Variants in DLG1 observed in about 807,000 individuals in gnomAD.
DLG1 encodes discs large MAGUK scaffold protein 1.
DLG1 carries 42 observed loss-of-function variants against 123.4 expected under a neutral mutation model. The ratio of observed to expected loss-of-function variants is 0.34; its 90% confidence interval spans 0.27 to 0.44. The LOEUF (loss-of-function observed/expected upper bound fraction) is 0.44. DLG1 is among the 20% of genes least tolerant of loss of function. DLG1 has a pLI of 1.00. For synonymous variants in DLG1, 317 were observed against 356.2 expected (o/e 0.89, Z 1.24); for missense variants, 942 against 1,082.6 (o/e 0.87, Z 1.82).
Position 197,111,010 on chromosome 3 carries a change from A to C in DLG1, c.1443+4917T>G, listed in dbSNP as rs192704493. ...GTTCCAAGGATACACGGAGGTTTTC[A>C]AAGGCCTTATGGAGAATTCACTCCT... On this transcript the variant is annotated intron_variant, in intron 13 of 24. Transcript: ENST00000667157. 2.6e-5 allele frequency among the ~76,000 whole-genome samples: 4 copies of C among 152,262 alleles called. No individual in the cohort carries two copies. The East Asian group carries it at 7.7e-4, about 29-fold the overall frequency.
At chr3:197,108,261 T>C (rs560661485) in intron 13 of DLG1, among the ~76,000 whole-genome samples, 1 of 152,334 alleles carries the variant, frequency 6.6e-6, no homozygotes, top group Admixed American at 6.5e-5. Flanking sequence ...TTGTAATTTT[T>C]TCTTCTTGTG....
At chr3:197,182,314 A>G (rs908861110) in intron 5 of DLG1, among the ~76,000 whole-genome samples, 28 of 152,190 alleles carry the variant, frequency 1.8e-4, no homozygotes, top group African/African-American at 6.8e-4. Context: ...TAAGAGTTAA[A>G]TCAATCGTTG....
intron 24 of DLG1, among the ~76,000 whole-genome samples, chr3:197,046,309 A>G (rs1723009201): frequency 6.6e-6 from 1 of 152,232 alleles, no homozygotes. Flanking sequence ...GACTTGGGAA[A>G]TATACATTTT....
At chr3:197,067,376 G>A (rs944437061) in intron 19 of DLG1, among the ~76,000 whole-genome samples, 14 of 151,978 alleles carry the variant, frequency 9.2e-5, no homozygotes, top group African/African-American at 3.4e-4. Context: ...AAACAACAGT[G>A]ATAGTAAAGG....
intron 23 of DLG1, among the ~76,000 whole-genome samples, chr3:197,054,201 T>G (rs926208814): frequency 6.6e-6 from 1 of 152,234 alleles, no homozygotes; most frequent in East Asian, 1.9e-4. Flanking sequence ...ACACTTTGAT[T>G]ATAATGTGCC....
In DLG1 at chr3:197,138,236, A is replaced by C; in HGVS notation, c.869T>G (p.Ile290Ser). The change falls in exon 9 of 25, where the codon ATT becomes AGT. Residue 290 changes from isoleucine (I) to serine (S), a missense_variant. Transcript: ENST00000667157. ...TTACCACATACCTTTAGGACCTTTA[A>C]TGAGCTTTATTTCCATTATTTTTTC... Reference protein sequence around the residue: ...VSEKIMEIKLIKGPKGLGFSI... With the variant: ...VSEKIMEIKLSKGPKGLGFSI... 1 of 1,584,940 alleles carries C rather than the reference A, an allele frequency of 6.3e-7. No homozygotes were observed. Among genetic ancestry groups the C allele is most frequent in the Non-Finnish European group, 8.6e-7 (1 of 1,161,538 alleles).
chr3:197,048,956 C>T (rs562227109), intron 24 of DLG1, among the ~76,000 whole-genome samples: 2 of 152,278 alleles, frequency 1.3e-5, no homozygotes, highest in South Asian at 2.1e-4. Context: ...TGTGCCCAGC[C>T]ACCTCAAAAA....
At chr3:197,267,112 T>G (rs1344430416) in intron 4 of DLG1, among the ~76,000 whole-genome samples, 2 of 152,240 alleles carry the variant, frequency 1.3e-5, no homozygotes, top group African/African-American at 4.8e-5. Flanking sequence ...AGACTTCAGC[T>G]ATACTTACAC....
rs534654830 is a variant in DLG1 at position 197,222,712 on chromosome 3, T to C, written c.319-28123A>G. Among the ~76,000 whole-genome samples the C allele has an allele frequency of 3.9e-5, 6 of 152,294 alleles. No homozygotes were observed. The East Asian group carries it at 1.2e-3, about 29-fold the overall frequency. On this transcript the variant is annotated intron_variant, in intron 4 of 24. Coordinates refer to ENST00000667157, the MANE Select transcript of DLG1 (RefSeq NM_001366207.1). ...TAGAATCGCCAAGGCTTTAACACCT[T>C]ACACTATTTCCCTGCAGAGAGAAGA...
At chr3:197,244,905 G>A (rs1249567584) in intron 4 of DLG1, among the ~76,000 whole-genome samples, 1 of 152,162 alleles carries the variant, frequency 6.6e-6, no homozygotes, top group Non-Finnish European at 1.5e-5. Flanking sequence ...GAGAGACCAA[G>A]TACATAGCTC....
At chr3:197,118,974 A>T (rs1774825322) in intron 12 of DLG1, among the ~76,000 whole-genome samples, 1 of 152,182 alleles carries the variant, frequency 6.6e-6, no homozygotes, top group Non-Finnish European at 1.5e-5. Flanking sequence ...ACTGCACTCC[A>T]GCCTGGGCAA....
chr3:197,118,759 A>G (rs561842386), intron 12 of DLG1, among the ~76,000 whole-genome samples: 2 of 152,320 alleles, frequency 1.3e-5, no homozygotes, highest in South Asian at 2.1e-4. Context: ...AAAGACAGTT[A>G]ATCTATACAT....
intron 12 of DLG1, among the ~76,000 whole-genome samples, chr3:197,116,328 A>T (rs1438626671): frequency 7.2e-6 from 1 of 139,380 alleles, no homozygotes; most frequent in East Asian, 1.9e-4. Context: ...ACCAAAACAG[A>T]AAAAAAACGT....
chr3:197,228,556 A>T (rs1741174190), intron 4 of DLG1, among the ~76,000 whole-genome samples: 1 of 152,240 alleles, frequency 6.6e-6, no homozygotes, highest in Non-Finnish European at 1.5e-5. Context: ...AGTTCAACGT[A>T]TACATTTTGG....
intron 5 of DLG1, among the ~76,000 whole-genome samples, chr3:197,178,046 C>T (rs1808072636): frequency 6.6e-6 from 1 of 151,946 alleles, no homozygotes; most frequent in Non-Finnish European, 1.5e-5. Context: ...GAGGATACAA[C>T]AATAAACATA....
At chr3:197,247,911 T>C (rs1247228542) in intron 4 of DLG1, among the ~76,000 whole-genome samples, 4 of 152,164 alleles carry the variant, frequency 2.6e-5, no homozygotes, top group African/African-American at 9.7e-5. Flanking sequence ...TGCACTCTTC[T>C]TGTTTCGCTT....
At chr3:197,068,476 T>C in intron 19 of DLG1, 2 of 1,500,310 alleles carry the variant, frequency 1.3e-6, no homozygotes, top group Non-Finnish European at 1.8e-6. Flanking sequence ...GAAAAAGTAT[T>C]AGGGACTGAT....
chr3:197,190,873 G>A (rs1341606659), intron 5 of DLG1, among the ~76,000 whole-genome samples: 1 of 152,170 alleles, frequency 6.6e-6, no homozygotes, highest in Admixed American at 6.5e-5. Flanking sequence ...AGCCAGGCGT[G>A]GTGGCGGGCG....
At chr3:197,297,600 C>G (rs1778113261) in intron 1 of DLG1, 1 of 1,017,478 alleles carries the variant, frequency 9.8e-7, no homozygotes, top group African/African-American at 1.7e-5. Flanking sequence ...GAGCCAGCAG[C>G]GGCCGCAGAG....
Sources: gnomAD v4.1 joint callset for allele counts (sites outside exome capture counted in the v4.1 genomes callset) on GRCh38, gnomAD v4.1.1 for gene constraint, MANE v1.5 for transcripts, NCBI Gene and HGNC (gene_info 2026-07-23, HGNC 2026-07-21) for gene names.